The following MOV10L1 variants were observed in gnomAD, a reference collection of about 807,000 sequenced individuals.
MOV10L1 encodes the protein RNA helicase Mov10l1.
In MOV10L1, 110 loss-of-function variants were observed where a neutral mutation model predicts 143.8. The ratio of observed to expected loss-of-function variants is 0.76; its 90% CI spans 0.66 to 0.90. The LOEUF (loss-of-function observed/expected upper bound fraction) is 0.90, where lower values mean the gene tolerates loss of function less well. MOV10L1 is among the 40% of genes least tolerant of loss of function. The pLI is 0.00. For synonymous variants in MOV10L1, 593 were observed against 581.1 expected (o/e 1.02, Z -0.29); for missense variants, 1,406 against 1,526.8 (o/e 0.92, Z 1.32).
At position 50,160,749 on chromosome 22, in the gene MOV10L1, C is replaced by A; in HGVS notation, c.3386C>A (p.Ser1129Ter). 1 of 1,614,088 alleles carries A rather than the reference C, an allele frequency of 6.2e-7. No homozygotes were observed. The highest frequency in any genetic ancestry group is 8.5e-7 in the Non-Finnish European group (1 of 1,180,004). The change falls in exon 25 of 27, where the codon TCA becomes TAA. Residue 1129 changes from serine to a stop codon, truncating the protein, a stop_gained. Coordinates refer to ENST00000262794, the MANE Select transcript of MOV10L1 (RefSeq NM_018995.3). LOFTEE classifies it high-confidence loss of function. ...DRYFLGFLSNSKRFNVAITRP... is the reference protein window; with the variant it reads ...DRYFLGFLSN ...TATTTTTTGGGTTTCTTGTCCAACT[C>A]AAAAAGATTTAATGTTGCAATCACC...
At chr22:50,096,544 G>T (rs2062593103) in intron 2 of MOV10L1, 1 of 152,226 alleles carries the variant, frequency 6.6e-6, no homozygotes, top group Non-Finnish European at 1.5e-5. Context: ...ACTTTGTGAG[G>T]AACCAGATGT....
At chr22:50,118,572 G>A (rs890907847) in intron 9 of MOV10L1, among the ~76,000 whole-genome samples, 2 of 152,196 alleles carry the variant, frequency 1.3e-5, no homozygotes. Flanking sequence ...GTGTCTCTCT[G>A]TGCTGGCTTT....
At chr22:50,128,536 A>C in intron 13 of MOV10L1, 29 bp downstream of exon 13, 1 of 964,866 alleles carries the variant, frequency 1.0e-6, no homozygotes, top group Non-Finnish European at 1.6e-6. Flanking sequence ...CTTCTTTCAA[A>C]TGTCTTTTTT....
intron 13 of MOV10L1, among the ~76,000 whole-genome samples, chr22:50,130,906 C>CT (rs1387980470): frequency 5.3e-5 from 8 of 151,678 alleles, no homozygotes; most frequent in South Asian, 4.2e-4. Flanking sequence ...TTTCTTTTTT[C>CT]TTTTTTTTGA....
intron 19 of MOV10L1, among the ~76,000 whole-genome samples, chr22:50,148,589 T>A (rs529102848): frequency 6.6e-6 from 1 of 152,068 alleles, no homozygotes; most frequent in East Asian, 1.9e-4. Flanking sequence ...GCTCTGTAGC[T>A]GGGAACCTCA....
At chr22:50,115,017 T>C (rs2062132449) in intron 7 of MOV10L1, 97 bp from the exon 8 acceptor site, 1 of 1,321,716 alleles carries the variant, frequency 7.6e-7, no homozygotes, top group African/African-American at 1.5e-5. Flanking sequence ...TCTGTCTTTG[T>C]GTGTGTGAGA....
At chr22:50,103,373 T>C (rs2061794029) in intron 3 of MOV10L1, among the ~76,000 whole-genome samples, 1 of 152,188 alleles carries the variant, frequency 6.6e-6, no homozygotes, top group Non-Finnish European at 1.5e-5. Flanking sequence ...CCTCTGCCAT[T>C]TGGATGAAGG....
At chr22:50,099,409 T>C in intron 2 of MOV10L1, 34 bp from the exon 3 acceptor site, 1 of 1,598,156 alleles carries the variant, frequency 6.3e-7, no homozygotes, top group Non-Finnish European at 8.6e-7. Context: ...GTAGTTCTCG[T>C]ATTATGGTTT....
At chr22:50,139,558 A>T (rs2062923729) in intron 15 of MOV10L1, among the ~76,000 whole-genome samples, 2 of 152,106 alleles carry the variant, frequency 1.3e-5, no homozygotes, top group South Asian at 4.1e-4. Flanking sequence ...AAAAAAACAA[A>T]GAAAAAAAAA....
intron 18 of MOV10L1, among the ~76,000 whole-genome samples, chr22:50,144,836 C>T (rs2063102201): frequency 1.3e-5 from 2 of 152,208 alleles, no homozygotes; most frequent in Non-Finnish European, 2.9e-5. Flanking sequence ...CCGCCTCGGC[C>T]TCCCAAAGTG....
At chr22:50,139,759 A>G (rs1236759536) in intron 15 of MOV10L1, among the ~76,000 whole-genome samples, 1 of 152,228 alleles carries the variant, frequency 6.6e-6, no homozygotes, top group Non-Finnish European at 1.5e-5. Context: ...AACACATGAA[A>G]GATGTTCAAC....
intron 2 of MOV10L1, among the ~76,000 whole-genome samples, chr22:50,097,916 C>T (rs1477566850): frequency 2.0e-5 from 3 of 152,056 alleles, no homozygotes; most frequent in Non-Finnish European, 4.4e-5. Context: ...TCATTGCAAC[C>T]TCCGCCTCCC....
At chr22:50,120,678 A>G in intron 10 of MOV10L1, 62 bp downstream of exon 10, 1 of 1,220,404 alleles carries the variant, frequency 8.2e-7, no homozygotes, top group Non-Finnish European at 1.2e-6. Context: ...TTTTCTGACA[A>G]AGCCAGGAGG....
intron 15 of MOV10L1, among the ~76,000 whole-genome samples, chr22:50,139,461 C>T (rs1290443975): frequency 2.6e-5 from 4 of 151,674 alleles, no homozygotes; most frequent in Non-Finnish European, 4.4e-5. Context: ...CTTTTAGTCC[C>T]AGTGACCCAG....
chr22:50,150,562 A>G (rs1360331802), intron 20 of MOV10L1, among the ~76,000 whole-genome samples, 173 bp from the exon 21 acceptor site: 1 of 152,056 alleles, frequency 6.6e-6, no homozygotes, highest in African/African-American at 2.4e-5. Flanking sequence ...GGAAGCGGGG[A>G]GAGACGGCTC....
chr22:50,104,332 T>C (rs2061817136), intron 3 of MOV10L1, among the ~76,000 whole-genome samples: 1 of 152,214 alleles, frequency 6.6e-6, no homozygotes, highest in South Asian at 2.1e-4. Context: ...CTGCCCTGTG[T>C]GGACTGTCCA....
At chr22:50,094,009 G>T (rs558658760) in intron 2 of MOV10L1, 4 of 152,308 alleles carry the variant, frequency 2.6e-5, no homozygotes, top group African/African-American at 9.6e-5. Flanking sequence ...TTGTAAGGGG[G>T]CCCCATGGCA....
At chr22:50,138,435 G>A (rs1426012087) in intron 15 of MOV10L1, among the ~76,000 whole-genome samples, 1 of 151,996 alleles carries the variant, frequency 6.6e-6, no homozygotes, top group African/African-American at 2.4e-5. Context: ...GCACACACCT[G>A]TAGTCCCAGC....
At chr22:50,147,003 C>G in intron 19 of MOV10L1, 1 of 1,517,826 alleles carries the variant, frequency 6.6e-7, no homozygotes, top group Non-Finnish European at 8.9e-7. Context: ...CAGCACGGAT[C>G]TGAACAAGAC....
Sources: allele counts gnomAD v4.1 joint callset (sites outside exome capture counted in the v4.1 genomes callset), GRCh38; gene constraint gnomAD v4.1.1; transcripts MANE v1.5; gene names NCBI Gene and HGNC (gene_info 2026-07-23, HGNC 2026-07-21).